THSD7A: variants seen among roughly 807,000 people sequenced by gnomAD.
The protein encoded by THSD7A is thrombospondin type 1 domain containing 7A.
In THSD7A, 96 loss-of-function variants were observed where a neutral mutation model predicts 231.3. That is an observed-to-expected ratio of 0.41 (90% CI 0.35 to 0.49). THSD7A has a LOEUF of 0.49. THSD7A is among the 20% of genes least tolerant of loss of function. The probability of loss-of-function intolerance (pLI) is 0.05; values close to 1 mark genes in which losing one functional copy is unlikely to be tolerated. For missense variants in THSD7A, 2,290 were observed against 2,070.2 expected, an observed-to-expected ratio of 1.11 and a Z score of -2.06; for synonymous variants, 940 against 743.3, an observed-to-expected ratio of 1.26 and a Z score of -4.30.
At position 11,549,199 on chromosome 7, in the gene THSD7A, C is replaced by T. The variant is rs183147907; in HGVS notation, c.1454-6082G>A. ...AATTAAAACCACAATGAGATATCATCTCATGTCAGTCAGAATGGCTATTAC... is the reference window on the plus strand; with the variant it reads ...AATTAAAACCACAATGAGATATCATTTCATGTCAGTCAGAATGGCTATTAC... On this transcript the variant is annotated intron_variant, in intron 4 of 27. Coordinates refer to ENST00000423059, the MANE Select transcript of THSD7A (RefSeq NM_015204.3). Among the ~76,000 whole-genome samples the T allele has an allele frequency of 5.9e-5, 9 of 152,286 alleles. No homozygotes were observed. In the East Asian group the frequency reaches 1.5e-3, roughly 26 times the overall value.
intron 6 of THSD7A, among the ~76,000 whole-genome samples, chr7:11,498,112 G>C (rs1787180401): frequency 6.6e-6 from 1 of 152,180 alleles, no homozygotes; most frequent in Middle Eastern, 3.2e-3. Context: ...CAAAGTGGGA[G>C]CTTAGACTCC....
At chr7:11,514,123 T>C (rs1787930651) in intron 6 of THSD7A, among the ~76,000 whole-genome samples, 1 of 152,176 alleles carries the variant, frequency 6.6e-6, no homozygotes, top group East Asian at 1.9e-4. Context: ...TGTCCCTGCT[T>C]AAATATTCCA....
At chr7:11,777,014 T>C (rs1783428937) in intron 1 of THSD7A, among the ~76,000 whole-genome samples, 1 of 152,174 alleles carries the variant, frequency 6.6e-6, no homozygotes, top group Non-Finnish European at 1.5e-5. Context: ...GTGTATAGTC[T>C]CAGTTGTCAT....
intron 4 of THSD7A, among the ~76,000 whole-genome samples, chr7:11,550,070 T>C (rs907204825): frequency 2.0e-5 from 3 of 152,060 alleles, no homozygotes; most frequent in African/African-American, 7.2e-5. Context: ...GATGATATGC[T>C]TTTATACCTA....
chr7:11,646,862 G>A (rs1343728312), intron 1 of THSD7A, among the ~76,000 whole-genome samples: 1 of 152,022 alleles, frequency 6.6e-6, no homozygotes, highest in African/African-American at 2.4e-5. Context: ...TATTTTAGAA[G>A]TAATTCCATG....
At chr7:11,476,585 G>A (rs1014225357) in intron 7 of THSD7A, among the ~76,000 whole-genome samples, 7 of 152,208 alleles carry the variant, frequency 4.6e-5, no homozygotes, top group Admixed American at 4.6e-4. Context: ...AGGGGGCCAA[G>A]GTGGGCAGAT....
At chr7:11,751,525 AAG>A (rs1398281843) in intron 1 of THSD7A, among the ~76,000 whole-genome samples, 1 of 151,908 alleles carries the variant, frequency 6.6e-6, no homozygotes, top group Non-Finnish European at 1.5e-5. Flanking sequence ...CTGGCATATA[AAG>A]AGAGTACAAC....
chr7:11,745,372 A>AT (rs200498484), intron 1 of THSD7A, among the ~76,000 whole-genome samples: 6 of 151,586 alleles, frequency 4.0e-5, no homozygotes, highest in African/African-American at 1.5e-4. Context: ...GATTGCAAAA[A>AT]TTTTTTTCCC....
At chr7:11,742,778 C>A (rs1032194709) in intron 1 of THSD7A, among the ~76,000 whole-genome samples, 6 of 151,876 alleles carry the variant, frequency 4.0e-5, no homozygotes, top group African/African-American at 1.4e-4. Context: ...TCAGATCAGA[C>A]AGAGGAAGCC....
chr7:11,617,761 A>C (rs138885636), intron 2 of THSD7A, among the ~76,000 whole-genome samples: 1 of 152,220 alleles, frequency 6.6e-6, no homozygotes, highest in East Asian at 1.9e-4. Context: ...AATCTATCAC[A>C]AGGACTATAG....
intron 26 of THSD7A, among the ~76,000 whole-genome samples, 153 bp from the exon 27 acceptor site, chr7:11,376,810 C>G (rs1782293943): frequency 6.6e-6 from 1 of 152,014 alleles, no homozygotes; most frequent in Non-Finnish European, 1.5e-5. Flanking sequence ...TAATGCAAAG[C>G]TGCTATTATG....
intron 4 of THSD7A, 31 bp from the exon 5 acceptor site, chr7:11,543,148 A>C: frequency 5.0e-6 from 8 of 1,591,104 alleles, no homozygotes; most frequent in Non-Finnish European, 6.0e-6. Flanking sequence ...ATATTAAAAA[A>C]TGAACAAAAG....
chr7:11,561,034 G>C (rs1002644253), intron 4 of THSD7A, among the ~76,000 whole-genome samples: 2 of 152,012 alleles, frequency 1.3e-5, no homozygotes, highest in Non-Finnish European at 2.9e-5. Context: ...TCCCCATATA[G>C]GGCAACCGAG....
chr7:11,381,521 A>G lies in THSD7A; in HGVS notation c.4507+1000T>C, dbSNP rs181357019. 2.7e-4 allele frequency among the ~76,000 whole-genome samples: 41 copies of G among 152,314 alleles called. 1 individual carries two copies. The East Asian group carries it at 7.0e-3, about 26-fold the overall frequency. On this transcript the variant is annotated intron_variant, in intron 24 of 27. Coordinates refer to ENST00000423059, the MANE Select transcript of THSD7A (RefSeq NM_015204.3). ...TTTCTTACTGTATATATTAAAGTTA[A>G]ATTTCTAAACAAACATCACTCAGAG...
intron 6 of THSD7A, among the ~76,000 whole-genome samples, chr7:11,523,181 T>G (rs1371417314): frequency 2.6e-5 from 4 of 152,088 alleles, no homozygotes; most frequent in Admixed American, 1.3e-4. Flanking sequence ...TTCAAAGCAT[T>G]ATATAAAAAC....
chr7:11,608,942 C>T (rs1780828493), intron 2 of THSD7A, among the ~76,000 whole-genome samples: 2 of 152,158 alleles, frequency 1.3e-5, no homozygotes, highest in African/African-American at 4.8e-5. Flanking sequence ...CAAGTTCTTA[C>T]AAATCCCTAT....
At chr7:11,803,048 G>C (rs1784317663) in intron 1 of THSD7A, among the ~76,000 whole-genome samples, 1 of 152,104 alleles carries the variant, frequency 6.6e-6, no homozygotes, top group Admixed American at 6.6e-5. Context: ...ATGGAGCCAA[G>C]GGCATATGTA....
chr7:11,645,440 A>G (rs1033282541), intron 1 of THSD7A, among the ~76,000 whole-genome samples: 5 of 151,884 alleles, frequency 3.3e-5, no homozygotes, highest in African/African-American at 1.2e-4. Flanking sequence ...ATATATTTTT[A>G]AATACAGAGA....
At chr7:11,484,239 C>T (rs1786552963) in intron 6 of THSD7A, among the ~76,000 whole-genome samples, 1 of 152,036 alleles carries the variant, frequency 6.6e-6, no homozygotes, top group Non-Finnish European at 1.5e-5. Flanking sequence ...GATCTTGTCC[C>T]TTTTTACTGT....
Sources: gnomAD v4.1 joint callset for allele counts (sites outside exome capture counted in the v4.1 genomes callset) on GRCh38, gnomAD v4.1.1 for gene constraint, MANE v1.5 for transcripts, NCBI Gene and HGNC (gene_info 2026-07-23, HGNC 2026-07-21) for gene names.